SPOCK3: variants seen among roughly 807,000 people sequenced by gnomAD.
SPOCK3 encodes SPARC (osteonectin), cwcv and kazal like domains proteoglycan 3, also known as testican-3.
Under a neutral mutation model 56.6 loss-of-function variants are expected in SPOCK3, and 30 were observed. The ratio of observed to expected loss-of-function variants is 0.53; its 90% CI spans 0.40 to 0.72. The LOEUF is 0.72. SPOCK3 is among the 30% of genes least tolerant of loss of function. The pLI, the probability that SPOCK3 is intolerant of heterozygous loss-of-function variation, is 0.00. For missense variants in SPOCK3, 527 were observed against 530.0 expected, an observed-to-expected ratio of 0.99 and a Z score of 0.06; for synonymous variants, 196 against 183.3, an observed-to-expected ratio of 1.07 and a Z score of -0.56.
intron 2 of SPOCK3, among the ~76,000 whole-genome samples, chr4:167,189,821 T>G (rs1205038247): frequency 6.9e-6 from 1 of 145,790 alleles, no homozygotes; most frequent in East Asian, 2.1e-4. Context: ...TGTTCTACTC[T>G]CTGCTTTTAC....
At chr4:166,984,118 G>A (rs1016153389) in intron 4 of SPOCK3, among the ~76,000 whole-genome samples, 55 of 151,912 alleles carry the variant, frequency 3.6e-4, no homozygotes, top group African/African-American at 1.3e-3. Context: ...ATTGTTTGAA[G>A]CAACTCTCTC....
At chr4:167,129,403 G>T (rs893098889) in intron 2 of SPOCK3, among the ~76,000 whole-genome samples, 1 of 152,166 alleles carries the variant, frequency 6.6e-6, no homozygotes. Context: ...CTGGTGCCCT[G>T]TCTCCAGAAT....
chr4:167,024,866 A>T (rs1208447032), intron 3 of SPOCK3, among the ~76,000 whole-genome samples: 1 of 152,060 alleles, frequency 6.6e-6, no homozygotes, highest in African/African-American at 2.4e-5. Flanking sequence ...AAAAATTTTA[A>T]AAATTTTTAA....
At chr4:167,009,044 C>T (rs1749753978) in intron 3 of SPOCK3, among the ~76,000 whole-genome samples, 1 of 152,102 alleles carries the variant, frequency 6.6e-6, no homozygotes, top group South Asian at 2.1e-4. Context: ...AAAAGGTCTT[C>T]AATTACTTTT....
intron 2 of SPOCK3, among the ~76,000 whole-genome samples, chr4:167,103,286 CA>C (rs1759816249): frequency 1.3e-5 from 2 of 152,228 alleles, no homozygotes; most frequent in African/African-American, 4.8e-5. Context: ...GACAGAGCAC[CA>C]AGTGGGCCCT....
chr4:167,161,666 T>G (rs1173322579), intron 2 of SPOCK3, among the ~76,000 whole-genome samples: 1 of 151,874 alleles, frequency 6.6e-6, no homozygotes, highest in Admixed American at 6.6e-5. Flanking sequence ...ATAGACTGGA[T>G]TAAGAAAATG....
chr4:167,179,430 T>C (rs934247001), intron 2 of SPOCK3, among the ~76,000 whole-genome samples: 2 of 152,192 alleles, frequency 1.3e-5, no homozygotes, highest in Non-Finnish European at 2.9e-5. Flanking sequence ...TACTTATTAA[T>C]CTACTTCCCA....
At chr4:166,817,090 G>A (rs138657963) in intron 6 of SPOCK3, among the ~76,000 whole-genome samples, 33 of 152,128 alleles carry the variant, frequency 2.2e-4, no homozygotes, top group Non-Finnish European at 3.8e-4. Context: ...TACCCACAGC[G>A]ACAGGAGCAG....
chr4:166,890,599 C>A (rs771631172), intron 5 of SPOCK3, among the ~76,000 whole-genome samples: 6 of 151,734 alleles, frequency 4.0e-5, no homozygotes, highest in Non-Finnish European at 8.8e-5. Flanking sequence ...GAATTTTAAG[C>A]CTAAGTATTT....
chr4:167,175,043 T>C (rs1284138442), intron 2 of SPOCK3, among the ~76,000 whole-genome samples: 1 of 152,106 alleles, frequency 6.6e-6, no homozygotes, highest in Non-Finnish European at 1.5e-5. Flanking sequence ...ACAAGCTATT[T>C]TACCTACTAC....
In SPOCK3 at chr4:166,909,325, G is replaced by T. The variant is rs529682877; in HGVS notation, c.474+3295C>A. Reference sequence around the variant, plus strand: ...AAATTATATCTTAGTTATATCATTTGGCTAAAGTCTTTCTTTGTGTACCTT... The same window carrying T: ...AAATTATATCTTAGTTATATCATTTTGCTAAAGTCTTTCTTTGTGTACCTT... On this transcript the variant is annotated intron_variant, in intron 5 of 10. Transcript: ENST00000357545. Among the ~76,000 whole-genome samples the T allele has an allele frequency of 4.6e-5, 7 of 151,998 alleles. No homozygotes were observed. In the South Asian group the frequency reaches 8.3e-4, roughly 18 times the overall value.
intron 2 of SPOCK3, among the ~76,000 whole-genome samples, chr4:167,097,120 A>C (rs2150318389): frequency 6.6e-6 from 1 of 151,736 alleles, no homozygotes; most frequent in East Asian, 1.9e-4. Flanking sequence ...TGTGTTTTTT[A>C]ATTCCTTTAC....
At chr4:167,086,784 A>G (rs953670268) in intron 2 of SPOCK3, among the ~76,000 whole-genome samples, 1 of 152,086 alleles carries the variant, frequency 6.6e-6, no homozygotes, top group African/African-American at 2.4e-5. Context: ...AAAACAACCA[A>G]GGCTCATTCT....
chr4:167,204,123 C>T (rs1415189409), intron 2 of SPOCK3, among the ~76,000 whole-genome samples: 1 of 151,980 alleles, frequency 6.6e-6, no homozygotes, highest in Non-Finnish European at 1.5e-5. Context: ...TTGTATACAA[C>T]TTCCTAGGTT....
intron 3 of SPOCK3, among the ~76,000 whole-genome samples, chr4:167,005,269 G>GT (rs940428350): frequency 1.3e-4 from 20 of 151,776 alleles, no homozygotes; most frequent in Admixed American, 9.2e-4. Context: ...GAGTGCAGTG[G>GT]TGCGATCTCA....
At chr4:167,095,241 T>C (rs915877566) in intron 2 of SPOCK3, among the ~76,000 whole-genome samples, 25 of 152,088 alleles carry the variant, frequency 1.6e-4, no homozygotes, top group Admixed American at 6.6e-5. Context: ...AGCTGACACA[T>C]AAAATGAACC....
chr4:166,834,764 G>A (rs1045467097), intron 6 of SPOCK3, among the ~76,000 whole-genome samples: 3 of 152,086 alleles, frequency 2.0e-5, no homozygotes, highest in Non-Finnish European at 2.9e-5. Context: ...TGCTTGAGAA[G>A]TTTTTTTGAG....
chr4:167,131,021 C>T (rs1296687834), intron 2 of SPOCK3, among the ~76,000 whole-genome samples: 1 of 151,868 alleles, frequency 6.6e-6, no homozygotes, highest in African/African-American at 2.4e-5. Flanking sequence ...CAAAAATTAA[C>T]AAACCTTAAT....
chr4:167,109,834 A>T (rs961379598), intron 2 of SPOCK3, among the ~76,000 whole-genome samples: 1 of 151,546 alleles, frequency 6.6e-6, no homozygotes, highest in Non-Finnish European at 1.5e-5. Context: ...AAGAAAATAA[A>T]CCAAATAGTA....
Sources: gnomAD v4.1 joint callset for allele counts (sites outside exome capture counted in the v4.1 genomes callset) on GRCh38, gnomAD v4.1.1 for gene constraint, MANE v1.5 for transcripts, NCBI Gene and HGNC (gene_info 2026-07-23, HGNC 2026-07-21) for gene names.